Variants in TYW1B observed in about 807,000 individuals in gnomAD.
TYW1B encodes S-adenosyl-L-methionine-dependent tRNA 4-demethylwyosine synthase TYW1B.
TYW1B carries 73 observed loss-of-function variants against 86.9 expected under a neutral mutation model. The ratio of observed to expected loss-of-function variants is 0.84; its 90% CI spans 0.70 to 1.02. TYW1B has a LOEUF of 1.02. Ranked by LOEUF, TYW1B falls within the 50% of genes least tolerant of loss-of-function variation. The pLI is 0.00. For missense variants in TYW1B, 637 were observed against 827.4 expected, an observed-to-expected ratio of 0.77 and a Z score of 2.82; for synonymous variants, 248 against 292.8, an observed-to-expected ratio of 0.85 and a Z score of 1.56.
At chr7:72,783,587 A>T (rs1554471968) in intron 6 of TYW1B, among the ~76,000 whole-genome samples, 2 of 152,162 alleles carry the variant, frequency 1.3e-5, no homozygotes, top group Non-Finnish European at 2.9e-5. Context: ...AATCTCTAAG[A>T]TATCACTCAC....
At chr7:72,785,949 C>T (rs1488222020) in intron 6 of TYW1B, among the ~76,000 whole-genome samples, 4 of 152,036 alleles carry the variant, frequency 2.6e-5, no homozygotes, top group Admixed American at 6.6e-5. Context: ...GCTGTCTCTA[C>T]TAAAAATACA....
At chr7:72,640,444 T>C (rs1812776456) in intron 11 of TYW1B, among the ~76,000 whole-genome samples, 1 of 151,438 alleles carries the variant, frequency 6.6e-6, no homozygotes, top group Non-Finnish European at 1.5e-5. Flanking sequence ...TGTGGAGATA[T>C]AACTTAAATA....
At chr7:72,740,305 C>A (rs1245721365) in intron 8 of TYW1B, among the ~76,000 whole-genome samples, 2 of 151,862 alleles carry the variant, frequency 1.3e-5, no homozygotes, top group Non-Finnish European at 2.9e-5. Flanking sequence ...GAGGCTGAGG[C>A]ATGAGAATTG....
At chr7:72,754,458 A>T (rs1554465647) in intron 7 of TYW1B, among the ~76,000 whole-genome samples, 1 of 150,284 alleles carries the variant, frequency 6.7e-6, no homozygotes, top group African/African-American at 2.5e-5. Context: ...TTTGTTTGAG[A>T]CAGAATCTTG....
At chr7:72,810,072 G>A (rs1554477690) in intron 4 of TYW1B, among the ~76,000 whole-genome samples, 1 of 150,796 alleles carries the variant, frequency 6.6e-6, no homozygotes, top group East Asian at 2.0e-4. Flanking sequence ...GAGGCCAGGA[G>A]TTCACAACTA....
At chr7:72,634,636 C>T (rs1176268852) in intron 11 of TYW1B, among the ~76,000 whole-genome samples, 1 of 151,810 alleles carries the variant, frequency 6.6e-6, no homozygotes, top group African/African-American at 2.4e-5. Context: ...CTTTCACCCA[C>T]GTTGTATCAG....
intron 6 of TYW1B, among the ~76,000 whole-genome samples, chr7:72,787,477 C>T (rs1192717596): frequency 7.2e-6 from 1 of 139,430 alleles, no homozygotes; most frequent in Non-Finnish European, 1.6e-5. Context: ...AAAAAATAGG[C>T]GAGGCATGGT....
intron 13 of TYW1B, among the ~76,000 whole-genome samples, chr7:72,615,780 TA>T (rs1295743078): frequency 7.9e-5 from 12 of 151,862 alleles, no homozygotes; most frequent in African/African-American, 2.7e-4. Context: ...ATTATACAAT[TA>T]AAAAAACATA....
intron 13 of TYW1B, among the ~76,000 whole-genome samples, chr7:72,606,681 T>C (rs371098327): frequency 0.038 from 5,545 of 147,192 alleles, 167 homozygotes; most frequent in African/African-American, 0.057. Context: ...CTCTCCCTTC[T>C]TCATCAGAAT....
intron 12 of TYW1B, among the ~76,000 whole-genome samples, chr7:72,623,643 C>G (rs1467091781): frequency 6.6e-6 from 1 of 152,120 alleles, no homozygotes; most frequent in Non-Finnish European, 1.5e-5. Flanking sequence ...GTCTCCCTTA[C>G]AGCCCTGACA....
At chr7:72,655,664 T>C (rs1468417022) in intron 11 of TYW1B, among the ~76,000 whole-genome samples, 13 of 152,062 alleles carry the variant, frequency 8.5e-5, no homozygotes, top group Non-Finnish European at 1.5e-4. Context: ...AGCCAAAACA[T>C]GTGTTCTCCA....
chr7:72,631,402 T>C (rs1326511988), intron 11 of TYW1B, among the ~76,000 whole-genome samples: 1 of 152,030 alleles, frequency 6.6e-6, no homozygotes, highest in Non-Finnish European at 1.5e-5. Flanking sequence ...TAATCCAAGC[T>C]ACTTGGGAAG....
chr7:72,738,908 C>A (rs1385665364), intron 8 of TYW1B, among the ~76,000 whole-genome samples: 1 of 146,850 alleles, frequency 6.8e-6, no homozygotes, highest in African/African-American at 2.5e-5. Context: ...CTGTCTCTAT[C>A]AAAAAAAAAA....
intron 7 of TYW1B, among the ~76,000 whole-genome samples, chr7:72,757,272 G>A (rs1787607529): frequency 6.6e-6 from 1 of 151,734 alleles, no homozygotes; most frequent in South Asian, 2.1e-4. Context: ...GGAGGCTGAG[G>A]CAGGAGAATC....
rs540237983 is a variant in TYW1B at position 72,575,052 on chromosome 7, G to A, written c.*446C>T. ...AGGGATCAAGCTCTTATCTTAGAAA[G>A]CACAGACACGTTTAGCTCAGGGTAG... On this transcript the variant is annotated 3_prime_UTR_variant, in exon 14 of 14. Coordinates refer to ENST00000620995, the MANE Select transcript of TYW1B (RefSeq NM_001145440.3). 722 of 997,442 alleles carry A rather than the reference G, an allele frequency of 7.2e-4. 1 individual carries two copies. Among genetic ancestry groups the A allele is most frequent in the Non-Finnish European group, 8.1e-4 (674 of 836,730 alleles). 61.8% of individuals were successfully genotyped at this position (997,442 alleles called of 1,614,324 possible).
chr7:72,634,829 A>G (rs1812629085), intron 11 of TYW1B, among the ~76,000 whole-genome samples: 1 of 152,108 alleles, frequency 6.6e-6, no homozygotes, highest in Non-Finnish European at 1.5e-5. Flanking sequence ...CTCTGTTGGA[A>G]TATTTGTCTT....
rs531710796 is a variant in TYW1B at position 72,616,743 on chromosome 7, C to T, written c.1714G>A (p.Asp572Asn). ...GCAATTTCATATTCGGGGATCAGAT[C>T]CACCAGCTCGCGGACAAACTGTACC... ...EVVQFVRELV[D>N]LIPEYEIACE... is the part of the protein sequence containing the mutation. The change falls in exon 13 of 14, where the codon GAT becomes AAT. Residue 572 changes from aspartate (D) to asparagine (N), a missense_variant. Transcript: ENST00000620995. 7.5e-5 allele frequency: 121 copies of T among 1,614,234 alleles called. 1 individual carries two copies. In the East Asian group the frequency reaches 2.6e-3, roughly 34 times the overall value.
At chr7:72,748,255 C>T (rs1340802383) in intron 7 of TYW1B, among the ~76,000 whole-genome samples, 4 of 151,768 alleles carry the variant, frequency 2.6e-5, no homozygotes, top group Non-Finnish European at 5.9e-5. Flanking sequence ...GGTGACAGAG[C>T]GAGACTCCGC....
At chr7:72,619,228 T>C (rs1563032800) in intron 12 of TYW1B, among the ~76,000 whole-genome samples, 2 of 151,840 alleles carry the variant, frequency 1.3e-5, no homozygotes, top group Non-Finnish European at 2.9e-5. Context: ...AGCTTTCTTT[T>C]CCCCCCTCAA....
Sources: gnomAD v4.1 joint callset for allele counts (sites outside exome capture counted in the v4.1 genomes callset) on GRCh38, gnomAD v4.1.1 for gene constraint, MANE v1.5 for transcripts, NCBI Gene and HGNC (gene_info 2026-07-23, HGNC 2026-07-21) for gene names.